The following NAALADL2 variants were observed in gnomAD, a reference collection of about 807,000 sequenced individuals.
The protein encoded by NAALADL2 is inactive N-acetylated-alpha-linked acidic dipeptidase-like protein 2.
NAALADL2 carries 76 observed loss-of-function variants against 87.2 expected under a neutral mutation model. The ratio of observed to expected loss-of-function variants is 0.87; its 90% CI spans 0.72 to 1.05. The LOEUF is 1.05. Ranked by LOEUF, NAALADL2 falls within the 50% of genes least tolerant of loss-of-function variation. NAALADL2 has a pLI of 0.00. For missense variants in NAALADL2, 1,089 were observed against 945.8 expected (o/e 1.15, Z -1.99); for synonymous variants, 354 against 331.0 (o/e 1.07, Z -0.75).
intron 10 of NAALADL2, among the ~76,000 whole-genome samples, chr3:175,579,585 C>T (rs1719444585): frequency 6.6e-6 from 1 of 152,166 alleles, no homozygotes; most frequent in Admixed American, 6.5e-5. Flanking sequence ...ATGATTCCTT[C>T]TCATAAAATA....
chr3:175,040,994 C>T (rs1754014289), intron 1 of NAALADL2, among the ~76,000 whole-genome samples: 2 of 152,110 alleles, frequency 1.3e-5, no homozygotes, highest in South Asian at 4.1e-4. Flanking sequence ...TCTCTTACTG[C>T]CTTAATTTTT....
At chr3:175,105,456 A>G (rs1722931334) in intron 2 of NAALADL2, among the ~76,000 whole-genome samples, 1 of 150,430 alleles carries the variant, frequency 6.6e-6, no homozygotes, top group South Asian at 2.1e-4. Flanking sequence ...TCATACATAT[A>G]TATGATTCAC....
intron 2 of NAALADL2, among the ~76,000 whole-genome samples, chr3:174,591,173 A>G (rs1418192182): frequency 2.0e-5 from 3 of 152,206 alleles, no homozygotes; most frequent in African/African-American, 7.2e-5. Context: ...CTTGAGATGG[A>G]CAAATCTCCA....
chr3:174,847,884 C>A (rs1724811849), intron 3 of NAALADL2, among the ~76,000 whole-genome samples: 2 of 150,694 alleles, frequency 1.3e-5, no homozygotes, highest in Admixed American at 1.3e-4. Context: ...CATAGAATTT[C>A]TCTTCAACTC....
At chr3:174,877,602 C>T (rs1038803550) in intron 1 of NAALADL2, among the ~76,000 whole-genome samples, 3 of 151,926 alleles carry the variant, frequency 2.0e-5, no homozygotes. Context: ...TGAGTTTTAT[C>T]CACTCAGTAT....
intron 10 of NAALADL2, among the ~76,000 whole-genome samples, chr3:175,598,995 C>A (rs1200587381): frequency 2.0e-5 from 3 of 152,094 alleles, no homozygotes. Context: ...TTCTTTTATT[C>A]AACAATGTGA....
chr3:175,342,985 A>T (rs1315008974), intron 5 of NAALADL2, among the ~76,000 whole-genome samples: 1 of 152,148 alleles, frequency 6.6e-6, no homozygotes, highest in East Asian at 1.9e-4. Flanking sequence ...CAGATTGAAC[A>T]ATAGTTTTAA....
chr3:175,308,370 G>A (rs140192355), intron 4 of NAALADL2, among the ~76,000 whole-genome samples: 44 of 152,260 alleles, frequency 2.9e-4, no homozygotes, highest in Middle Eastern at 3.4e-3. Flanking sequence ...GTTAAACTGC[G>A]TATGTTCTCT....
At chr3:175,527,586 C>T (rs763616384) in intron 9 of NAALADL2, among the ~76,000 whole-genome samples, 1 of 151,984 alleles carries the variant, frequency 6.6e-6, no homozygotes, top group Non-Finnish European at 1.5e-5. Flanking sequence ...GGTCAAAAAT[C>T]GCTGAGTTAG....
intron 2 of NAALADL2, among the ~76,000 whole-genome samples, chr3:175,125,674 T>C (rs917956590): frequency 6.6e-6 from 1 of 152,088 alleles, no homozygotes; most frequent in Non-Finnish European, 1.5e-5. Flanking sequence ...AGGAGGCACC[T>C]ATTTTGTACA....
intron 9 of NAALADL2, among the ~76,000 whole-genome samples, chr3:175,551,754 C>A (rs895159654): frequency 6.6e-6 from 1 of 151,852 alleles, no homozygotes; most frequent in African/African-American, 2.4e-5. Flanking sequence ...AAAAATTAGC[C>A]GGGCATGTTG....
chr3:174,507,676 C>CT (rs1261413104), intron 1 of NAALADL2, among the ~76,000 whole-genome samples: 1 of 137,486 alleles, frequency 7.3e-6, no homozygotes, highest in African/African-American at 2.5e-5. Flanking sequence ...TTATGTCTGG[C>CT]TTTTTTCACT....
chr3:175,202,678 C>T (rs1385065854), intron 2 of NAALADL2, among the ~76,000 whole-genome samples: 1 of 152,086 alleles, frequency 6.6e-6, no homozygotes, highest in Non-Finnish European at 1.5e-5. Flanking sequence ...GTCCCTAGAA[C>T]TCCCAAGAGT....
chr3:174,854,839 T>C (rs966033244), upstream of NAALADL2, among the ~76,000 whole-genome samples: 74 of 142,794 alleles, frequency 5.2e-4, no homozygotes, highest in Middle Eastern at 3.5e-3. Flanking sequence ...TTTTTTCTTT[T>C]TTTTTTTTTT....
intron 1 of NAALADL2, among the ~76,000 whole-genome samples, chr3:175,094,638 G>T (rs1011246844): frequency 1.3e-5 from 2 of 151,774 alleles, no homozygotes; most frequent in Non-Finnish European, 2.9e-5. Context: ...GAGATGGAGG[G>T]AGGGAGGGAA....
chr3:175,118,611 T>C (rs6774278), intron 2 of NAALADL2, among the ~76,000 whole-genome samples: 91,055 of 150,910 alleles, frequency 0.6, 27,945 homozygotes, highest in African/African-American at 0.73. Flanking sequence ...TTTGGTTGTC[T>C]CTTTTATTCA....
intron 2 of NAALADL2, among the ~76,000 whole-genome samples, chr3:175,127,404 A>G (rs1279700048): frequency 6.6e-6 from 1 of 152,136 alleles, no homozygotes; most frequent in Non-Finnish European, 1.5e-5. Context: ...AATAGCAGAA[A>G]TATTTACTTT....
At chr3:174,461,554 T>C (rs1716215880) in intron 1 of NAALADL2, among the ~76,000 whole-genome samples, 1 of 152,132 alleles carries the variant, frequency 6.6e-6, no homozygotes, top group Non-Finnish European at 1.5e-5. Flanking sequence ...TAGAAGTAGA[T>C]TGCTATTCAA....
chr3:174,729,946 C>T (rs1328326528), intron 2 of NAALADL2, among the ~76,000 whole-genome samples: 1 of 152,018 alleles, frequency 6.6e-6, no homozygotes, highest in East Asian at 1.9e-4. Context: ...TGGCATTTGG[C>T]AAAGACAGGC....
Sources: gnomAD v4.1 joint callset for allele counts (sites outside exome capture counted in the v4.1 genomes callset) on GRCh38, gnomAD v4.1.1 for gene constraint, MANE v1.5 for transcripts, NCBI Gene and HGNC (gene_info 2026-07-23, HGNC 2026-07-21) for gene names.